Variants in MRTFB observed in about 807,000 individuals in gnomAD.
MRTFB encodes the protein myocardin-related transcription factor B.
A neutral mutation model predicts 104.2 loss-of-function variants in MRTFB; 29 were observed. That is an observed-to-expected ratio of 0.28 (90% CI 0.21 to 0.38). MRTFB has a LOEUF of 0.38. MRTFB is among the 10% of genes least tolerant of loss of function. The pLI, the probability that MRTFB is intolerant of heterozygous loss-of-function variation, is 1.00. For synonymous variants in MRTFB, 535 were observed against 519.5 expected, an observed-to-expected ratio of 1.03 and a Z score of -0.41; for missense variants, 1,270 against 1,341.6, an observed-to-expected ratio of 0.95 and a Z score of 0.83.
At chr16:14,109,487 T>C (rs1028448102) in intron 2 of MRTFB, among the ~76,000 whole-genome samples, 2 of 152,254 alleles carry the variant, frequency 1.3e-5, no homozygotes, top group African/African-American at 4.8e-5. Flanking sequence ...ACATTTTAAT[T>C]GCAGAATTGT....
At chr16:14,003,077 G>A in the MRTFB span, among the ~76,000 whole-genome samples, 3 of 152,002 alleles carry the variant, frequency 2.0e-5, no homozygotes, top group African/African-American at 7.2e-5. Flanking sequence ...CCCTTGAGGG[G>A]CCACAAAGAT....
the MRTFB span, among the ~76,000 whole-genome samples, chr16:14,013,770 A>G: frequency 2.6e-5 from 4 of 152,264 alleles, no homozygotes; most frequent in African/African-American, 9.6e-5. Context: ...TGTCCTTCAG[A>G]TTATGCCTGG....
At chr16:14,050,778 C>T in the MRTFB span, among the ~76,000 whole-genome samples, 3 of 152,038 alleles carry the variant, frequency 2.0e-5, no homozygotes, top group Non-Finnish European at 2.9e-5. Flanking sequence ...ATGGAGATAA[C>T]ACAGCGTACT....
rs2043880195 is a variant in MRTFB at position 14,264,524 on chromosome 16, TG to T, written c.*3081del. On this transcript the variant is annotated 3_prime_UTR_variant, in exon 17 of 17. Coordinates refer to ENST00000571589, the MANE Select transcript of MRTFB (RefSeq NM_001308142.2). ...CTACTGTATAGTATTGCCACATAAT[TG>T]TACATAGATGTATTCTGAATTTGTG... is the stretch of plus-strand genomic sequence containing the variant. The T allele has an allele frequency of 1.3e-5, 2 of 152,246 alleles. No homozygotes were observed. The highest frequency in any genetic ancestry group is 2.4e-5 in the African/African-American group (1 of 41,466). The allele number at this position is 152,246 out of a possible 1,614,324, so 9.4% of individuals were successfully genotyped here.
At position 14,260,941 on chromosome 16, in the gene MRTFB, C is replaced by T; in HGVS notation, c.2797C>T (p.Pro933Ser). The T allele has an allele frequency of 6.2e-7, 1 of 1,611,932 alleles. No homozygotes were observed. Among genetic ancestry groups the T allele is most frequent in the Non-Finnish European group, 8.5e-7 (1 of 1,178,432 alleles). Residue 933 changes from proline (P) to serine (S), a missense_variant, in exon 17 of 17, where the codon CCT becomes TCT. Coordinates refer to ENST00000571589, the MANE Select transcript of MRTFB (RefSeq NM_001308142.2). ...CCTCCCCATAAAAGAAGAACCTTCTCCTATTTCCAAAATGAGACCAGTGAC... is the reference window on the plus strand; with the variant it reads ...CCTCCCCATAAAAGAAGAACCTTCTTCTATTTCCAAAATGAGACCAGTGAC... ...ISLPIKEEPS[P>S]ISKMRPVTAS...
chr16:14,258,159 G>C lies in MRTFB; in HGVS notation c.2762G>C (p.Gly921Ala). Residue 921 changes from glycine to alanine, a missense_variant and splice_region_variant, in exon 16 of 17, where the codon GGA becomes GCA. Transcript: ENST00000571589. ...CTCTTTGATATCCTCATTAAGAGTG[G>C]AGGTAAGTCAAAAGTCACATCAGAT... The part of the protein sequence containing the change: ...DDLFDILIKS[G>A]EISLPIKEEP... 2.5e-6 allele frequency: 4 copies of C among 1,613,652 alleles called. No homozygotes were observed. The highest frequency in any genetic ancestry group is 2.5e-6 in the Non-Finnish European group (3 of 1,179,678).
the MRTFB span, among the ~76,000 whole-genome samples, chr16:14,036,826 G>A: frequency 9.2e-5 from 14 of 152,140 alleles, no homozygotes; most frequent in Admixed American, 9.2e-4. Context: ...TTACTACCAC[G>A]ACCTGGCCCC....
At chr16:14,106,835 C>T (rs1422147585) in intron 2 of MRTFB, among the ~76,000 whole-genome samples, 1 of 152,096 alleles carries the variant, frequency 6.6e-6, no homozygotes, top group Admixed American at 6.6e-5. Flanking sequence ...CGCTCCTATC[C>T]CTAGGCAGCT....
chr16:14,194,026 C>A (rs756595385), intron 3 of MRTFB, among the ~76,000 whole-genome samples: 2 of 152,126 alleles, frequency 1.3e-5, no homozygotes, highest in African/African-American at 2.4e-5. Flanking sequence ...TATCATAACA[C>A]CACTCTAATT....
At chr16:14,258,018 A>G (rs1567227776) in intron 15 of MRTFB, 83 bp from the exon 16 acceptor site, 2 of 1,177,814 alleles carry the variant, frequency 1.7e-6, no homozygotes, top group Non-Finnish European at 2.5e-6. Flanking sequence ...TAAATCATCT[A>G]GAAAGTCCCT....
the MRTFB span, among the ~76,000 whole-genome samples, chr16:14,011,794 C>A: frequency 2.0e-5 from 3 of 152,132 alleles, no homozygotes; most frequent in East Asian, 1.9e-4. Context: ...ATCACTTGAA[C>A]CCAGAAGGTG....
At chr16:14,018,270 T>C in the MRTFB span, among the ~76,000 whole-genome samples, 2 of 152,200 alleles carry the variant, frequency 1.3e-5, no homozygotes, top group African/African-American at 4.8e-5. Context: ...TGGGCCTCTC[T>C]GAGCTTCAGT....
At chr16:14,235,155 A>G (rs1054757378) in intron 9 of MRTFB, among the ~76,000 whole-genome samples, 1 of 152,182 alleles carries the variant, frequency 6.6e-6, no homozygotes, top group African/African-American at 2.4e-5. Context: ...GCAAGGGAGC[A>G]TCTTTCAGAT....
At chr16:14,141,837 A>G (rs1195598052) in intron 3 of MRTFB, 2 of 148,188 alleles carry the variant, frequency 1.3e-5, no homozygotes, top group African/African-American at 5.1e-5. Flanking sequence ...CCATTTTGAT[A>G]GGTGTTTTTT....
At chr16:14,250,727 G>C (rs928918925) in intron 13 of MRTFB, among the ~76,000 whole-genome samples, 1 of 152,178 alleles carries the variant, frequency 6.6e-6, no homozygotes, top group African/African-American at 2.4e-5. Context: ...GTTGTGGCAG[G>C]GGGTCTATGC....
chr16:14,028,701 G>A, the MRTFB span, among the ~76,000 whole-genome samples: 1 of 152,214 alleles, frequency 6.6e-6, no homozygotes, highest in Non-Finnish European at 1.5e-5. Context: ...TCCTAGTTGT[G>A]CGATCTTGGA....
chr16:14,217,413 C>T, intron 7 of MRTFB, 126 bp downstream of exon 7: 3 of 777,072 alleles, frequency 3.9e-6, no homozygotes, highest in Non-Finnish European at 5.9e-6. Context: ...TAGAAATTAA[C>T]ACAGTGATTT....
chr16:14,235,905 G>C (rs935438347), intron 9 of MRTFB, among the ~76,000 whole-genome samples: 1 of 152,234 alleles, frequency 6.6e-6, no homozygotes, highest in African/African-American at 2.4e-5. Context: ...GTATAGCCAG[G>C]TGCAGTGGCT....
chr16:14,035,268 G>C, the MRTFB span, among the ~76,000 whole-genome samples: 10 of 152,320 alleles, frequency 6.6e-5, no homozygotes, highest in African/African-American at 1.9e-4. Context: ...CAGAGGAGTT[G>C]TGTAACAACA....
Sources: allele counts gnomAD v4.1 joint callset (sites outside exome capture counted in the v4.1 genomes callset), GRCh38; gene constraint gnomAD v4.1.1; transcripts MANE v1.5; gene names NCBI Gene and HGNC (gene_info 2026-07-23, HGNC 2026-07-21).